Variants in FHOD3 observed in about 807,000 individuals in gnomAD.
FHOD3 encodes formin homology 2 domain containing 3.
FHOD3 carries 90 observed loss-of-function variants against 173.0 expected under a neutral mutation model. That is an observed-to-expected ratio of 0.52 (90% CI 0.44 to 0.62). The LOEUF is 0.62. FHOD3 is among the 20% of genes least tolerant of loss of function. The pLI, the probability that FHOD3 is intolerant of heterozygous loss-of-function variation, is 0.00. For missense variants in FHOD3, 1,945 were observed against 2,034.7 expected, an observed-to-expected ratio of 0.96 and a Z score of 0.85; for synonymous variants, 828 against 823.0, an observed-to-expected ratio of 1.01 and a Z score of -0.10.
At chr18:36,591,866 T>A (rs1487914086) in intron 6 of FHOD3, among the ~76,000 whole-genome samples, 2 of 152,158 alleles carry the variant, frequency 1.3e-5, no homozygotes, top group Non-Finnish European at 2.9e-5. Context: ...GAGGCTGCAG[T>A]GAGCTGTGCT....
intron 1 of FHOD3, among the ~76,000 whole-genome samples, chr18:36,327,369 A>G (rs943361547): frequency 1.3e-5 from 2 of 152,266 alleles, no homozygotes; most frequent in Non-Finnish European, 2.9e-5. Context: ...TTGTATAGGT[A>G]TTAGCTTGGT....
At chr18:36,313,154 C>T (rs1198303669) in intron 1 of FHOD3, among the ~76,000 whole-genome samples, 1 of 152,200 alleles carries the variant, frequency 6.6e-6, no homozygotes, top group Non-Finnish European at 1.5e-5. Flanking sequence ...GTGCTGCTCT[C>T]CCTATCTAGC....
intron 3 of FHOD3, among the ~76,000 whole-genome samples, chr18:36,426,970 T>C (rs148351043): frequency 6.6e-6 from 1 of 152,342 alleles, no homozygotes; most frequent in Non-Finnish European, 1.5e-5. Context: ...TGTTAAGATT[T>C]GAATGCAGGG....
chr18:36,437,682 T>TTTTA (rs71168224), intron 3 of FHOD3, among the ~76,000 whole-genome samples: 2 of 129,618 alleles, frequency 1.5e-5, no homozygotes, highest in Non-Finnish European at 3.3e-5. Flanking sequence ...TTTTTTTTTT[T>TTTTA]AAGACAGAGT....
At chr18:36,544,185 G>T (rs2057330335) in intron 5 of FHOD3, among the ~76,000 whole-genome samples, 1 of 152,190 alleles carries the variant, frequency 6.6e-6, no homozygotes. Flanking sequence ...CGAAGGCAGG[G>T]CTTCTGGGCA....
intron 3 of FHOD3, among the ~76,000 whole-genome samples, chr18:36,437,774 C>G (rs1327436170): frequency 1.3e-5 from 2 of 150,248 alleles, no homozygotes; most frequent in Non-Finnish European, 3.0e-5. Context: ...AATGATTCTC[C>G]TGCCTCAGCC....
chr18:36,324,397 A>G (rs2044559968), intron 1 of FHOD3, among the ~76,000 whole-genome samples: 1 of 152,254 alleles, frequency 6.6e-6, no homozygotes, highest in Non-Finnish European at 1.5e-5. Context: ...ATTAAAATTA[A>G]GATCTTCTGT....
At chr18:36,527,218 G>A (rs920524651) in intron 5 of FHOD3, among the ~76,000 whole-genome samples, 5 of 152,200 alleles carry the variant, frequency 3.3e-5, no homozygotes, top group African/African-American at 1.2e-4. Context: ...CAATGCTGTT[G>A]TAGTACTGCT....
chr18:36,704,825 C>T (rs75316643), intron 17 of FHOD3, among the ~76,000 whole-genome samples: 6 of 152,142 alleles, frequency 3.9e-5, no homozygotes, highest in Non-Finnish European at 5.9e-5. Context: ...CTCCCTGCCC[C>T]GCTCCGGTGT....
chr18:36,720,714 C>T lies in FHOD3; in HGVS notation c.3417+1999C>T, dbSNP rs1327291304. ...TCCCCCTCCTTCTCCTCCTCCTCCT[C>T]CTTCTCTTCCTCCTTCTTCTTCTCC... On this transcript the variant is annotated intron_variant, in intron 19 of 28. Coordinates refer to ENST00000590592, the MANE Select transcript of FHOD3 (RefSeq NM_001281740.3). Among the ~76,000 whole-genome samples the T allele has an allele frequency of 1.9e-3, 274 of 147,940 alleles. 1 individual carries two copies. The highest frequency in any genetic ancestry group is 1.9e-3 in the Non-Finnish European group (125 of 67,206).
intron 6 of FHOD3, among the ~76,000 whole-genome samples, chr18:36,586,222 A>T (rs2059021594): frequency 6.6e-6 from 1 of 152,202 alleles, no homozygotes; most frequent in Admixed American, 6.5e-5. Flanking sequence ...GAACCTCCAT[A>T]GTATAGTGGA....
chr18:36,481,717 A>G (rs1408812982), intron 3 of FHOD3, among the ~76,000 whole-genome samples: 1 of 152,242 alleles, frequency 6.6e-6, no homozygotes, highest in Non-Finnish European at 1.5e-5. Context: ...TGTTGGAAGC[A>G]GGCTAAACAC....
At chr18:36,773,797 A>G (rs1023211702) in intron 28 of FHOD3, among the ~76,000 whole-genome samples, 2 of 151,942 alleles carry the variant, frequency 1.3e-5, no homozygotes, top group East Asian at 1.9e-4. Context: ...TGTCCACTTC[A>G]CTCTGGCCTG....
chr18:36,668,226 A>G (rs373932842), intron 14 of FHOD3, among the ~76,000 whole-genome samples: 4 of 152,110 alleles, frequency 2.6e-5, no homozygotes, highest in African/African-American at 9.7e-5. Flanking sequence ...CAGATCATCC[A>G]TTTCCTCTTG....
intron 8 of FHOD3, among the ~76,000 whole-genome samples, chr18:36,607,376 C>T (rs1309807698): frequency 6.6e-6 from 1 of 152,202 alleles, no homozygotes; most frequent in Admixed American, 6.5e-5. Context: ...TCCTGAGTGG[C>T]CCTGAGCAGT....
chr18:36,487,504 C>T (rs1356306927), intron 3 of FHOD3, among the ~76,000 whole-genome samples: 1 of 152,214 alleles, frequency 6.6e-6, no homozygotes. Context: ...CCTTCTGTAA[C>T]TGTGTTATTC....
intron 5 of FHOD3, among the ~76,000 whole-genome samples, chr18:36,566,230 CA>C (rs2058258416): frequency 6.6e-6 from 1 of 152,178 alleles, no homozygotes; most frequent in African/African-American, 2.4e-5. Flanking sequence ...AGGACATGAA[CA>C]AGCAGGCAAA....
intron 19 of FHOD3, among the ~76,000 whole-genome samples, chr18:36,729,017 GT>G (rs1195592545): frequency 2.6e-5 from 4 of 152,128 alleles, no homozygotes; most frequent in Non-Finnish European, 5.9e-5. Flanking sequence ...AAGGTCTTCT[GT>G]CCCCAGACTA....
At chr18:36,607,459 G>T (rs1400828974) in intron 8 of FHOD3, among the ~76,000 whole-genome samples, 1 of 152,162 alleles carries the variant, frequency 6.6e-6, no homozygotes, top group Non-Finnish European at 1.5e-5. Context: ...GAAGGTCTTT[G>T]AAATGCCTTT....
Sources: gnomAD v4.1 joint callset for allele counts (sites outside exome capture counted in the v4.1 genomes callset) on GRCh38, gnomAD v4.1.1 for gene constraint, MANE v1.5 for transcripts, NCBI Gene and HGNC (gene_info 2026-07-23, HGNC 2026-07-21) for gene names.